ADK: variants seen among roughly 807,000 people sequenced by gnomAD.
ADK encodes the protein adenosine kinase.
In ADK, 24 loss-of-function variants were observed where a neutral mutation model predicts 44.7. That is an observed-to-expected ratio of 0.54 (90% CI 0.39 to 0.76). The LOEUF (loss-of-function observed/expected upper bound fraction) is 0.76, where lower values mean the gene tolerates loss of function less well. Ranked by LOEUF, ADK falls within the 30% of genes least tolerant of loss-of-function variation. The pLI is 0.00. For missense variants in ADK, 321 were observed against 425.1 expected (o/e 0.76, Z 2.15); for synonymous variants, 128 against 142.6 (o/e 0.90, Z 0.73).
chr10:74,456,901 TAAC>T (rs1407570680), intron 6 of ADK, among the ~76,000 whole-genome samples: 1 of 151,934 alleles, frequency 6.6e-6, no homozygotes, highest in Non-Finnish European at 1.5e-5. Flanking sequence ...ATGGACACAC[TAAC>T]ATCACGATGA....
intron 7 of ADK, among the ~76,000 whole-genome samples, chr10:74,554,531 G>A (rs559598460): frequency 6.6e-5 from 10 of 152,086 alleles, no homozygotes; most frequent in Non-Finnish European, 1.5e-4. Flanking sequence ...TAAAAAATGT[G>A]CCAGGACAAA....
At chr10:74,235,371 G>A (rs1183982538) in intron 3 of ADK, among the ~76,000 whole-genome samples, 2 of 152,132 alleles carry the variant, frequency 1.3e-5, no homozygotes, top group African/African-American at 4.8e-5. Context: ...GTCTCACTCT[G>A]TCGCCTAGAC....
At chr10:74,496,723 C>T (rs1847700123) in intron 6 of ADK, among the ~76,000 whole-genome samples, 1 of 152,134 alleles carries the variant, frequency 6.6e-6, no homozygotes, top group Admixed American at 6.6e-5. Context: ...CTTGCTTCCA[C>T]CTCCCATAGT....
chr10:74,366,678 T>A (rs1225165843), intron 4 of ADK, among the ~76,000 whole-genome samples: 1 of 152,102 alleles, frequency 6.6e-6, no homozygotes, highest in East Asian at 1.9e-4. Flanking sequence ...GCCTGTAATC[T>A]CAGCATTTTG....
chr10:74,523,363 CTT>C (rs1228964203), intron 6 of ADK, among the ~76,000 whole-genome samples: 1 of 152,158 alleles, frequency 6.6e-6, no homozygotes, highest in Admixed American at 6.5e-5. Context: ...AATCTTATGA[CTT>C]TTACTCATTC....
chr10:74,625,862 G>C (rs570052773), intron 9 of ADK, among the ~76,000 whole-genome samples: 1 of 152,194 alleles, frequency 6.6e-6, no homozygotes, highest in Admixed American at 6.5e-5. Context: ...TTTGCTAAAA[G>C]AATTACCACT....
intron 3 of ADK, among the ~76,000 whole-genome samples, chr10:74,286,331 T>C (rs1421562082): frequency 2.0e-5 from 3 of 152,170 alleles, no homozygotes; most frequent in Admixed American, 6.5e-5. Context: ...GGACTGCAGG[T>C]GCGAGTCACC....
intron 3 of ADK, among the ~76,000 whole-genome samples, chr10:74,252,676 A>G (rs923112356): frequency 2.6e-5 from 4 of 152,202 alleles, no homozygotes; most frequent in Non-Finnish European, 4.4e-5. Context: ...ATAGAAAGTA[A>G]GTGTTCAGAT....
chr10:74,602,133 C>T (rs867370992), intron 9 of ADK, among the ~76,000 whole-genome samples: 3 of 111,872 alleles, frequency 2.7e-5, no homozygotes, highest in African/African-American at 7.7e-5. Context: ...AAAAAAAGAA[C>T]GGAGGGCAAT....
At chr10:74,686,501 C>G (rs1262562899) in intron 10 of ADK, among the ~76,000 whole-genome samples, 1 of 152,180 alleles carries the variant, frequency 6.6e-6, no homozygotes, top group Non-Finnish European at 1.5e-5. Context: ...CCCTTCCACC[C>G]TCACAAGACA....
intron 6 of ADK, among the ~76,000 whole-genome samples, chr10:74,466,804 G>A (rs937679849): frequency 2.0e-5 from 3 of 152,054 alleles, no homozygotes; most frequent in African/African-American, 7.2e-5. Context: ...AAATGGCTTT[G>A]CTTCATTAGC....
At chr10:74,648,600 C>T (rs540646169) in intron 9 of ADK, among the ~76,000 whole-genome samples, 1 of 151,802 alleles carries the variant, frequency 6.6e-6, no homozygotes, top group Non-Finnish European at 1.5e-5. Context: ...ATCGCTTGAA[C>T]CTGGGAGGCG....
chr10:74,668,484 C>T (rs1194051315), intron 9 of ADK, among the ~76,000 whole-genome samples: 1 of 152,236 alleles, frequency 6.6e-6, no homozygotes, highest in African/African-American at 2.4e-5. Context: ...CACACCTAAT[C>T]CCAGCACTTT....
intron 10 of ADK, among the ~76,000 whole-genome samples, chr10:74,672,335 A>T (rs1326939394): frequency 6.6e-6 from 1 of 152,078 alleles, no homozygotes; most frequent in African/African-American, 2.4e-5. Context: ...AACCTTTCCT[A>T]GCTCTCCAGC....
At chr10:74,489,818 A>G (rs1476351351) in intron 6 of ADK, among the ~76,000 whole-genome samples, 3 of 152,052 alleles carry the variant, frequency 2.0e-5, no homozygotes, top group South Asian at 2.1e-4. Flanking sequence ...TTAAAGACCT[A>G]GGACACATTA....
At chr10:74,568,884 T>G (rs1196450279) in intron 7 of ADK, among the ~76,000 whole-genome samples, 1 of 152,038 alleles carries the variant, frequency 6.6e-6, no homozygotes, top group African/African-American at 2.4e-5. Context: ...CAGTGACTCG[T>G]CATTTAACAT....
At chr10:74,424,774 G>A (rs1564714281) in intron 6 of ADK, among the ~76,000 whole-genome samples, 1 of 151,818 alleles carries the variant, frequency 6.6e-6, no homozygotes, top group African/African-American at 2.4e-5. Flanking sequence ...ATTGGTAATT[G>A]TATCTTCAGC....
At chr10:74,569,389 A>C (rs890898310) in intron 7 of ADK, among the ~76,000 whole-genome samples, 5 of 152,164 alleles carry the variant, frequency 3.3e-5, no homozygotes, top group African/African-American at 1.2e-4. Context: ...TTACAGTCCC[A>C]CCAACAGTGT....
intron 8 of ADK, among the ~76,000 whole-genome samples, chr10:74,590,783 A>C (rs1425781982): frequency 6.6e-6 from 1 of 152,166 alleles, no homozygotes; most frequent in Non-Finnish European, 1.5e-5. Context: ...AATCATGGGA[A>C]TATTCAATTA....
Sources: gnomAD v4.1 joint callset for allele counts (sites outside exome capture counted in the v4.1 genomes callset) on GRCh38, gnomAD v4.1.1 for gene constraint, MANE v1.5 for transcripts, NCBI Gene and HGNC (gene_info 2026-07-23, HGNC 2026-07-21) for gene names.